SLC4A4: variants seen among roughly 807,000 people sequenced by gnomAD.
SLC4A4 encodes the protein solute carrier family 4 member 4.
Under a neutral mutation model 111.5 loss-of-function variants are expected in SLC4A4, and 27 were observed. The ratio of observed to expected loss-of-function variants is 0.24; its 90% CI spans 0.18 to 0.33. The LOEUF is 0.33. Ranked by LOEUF, SLC4A4 falls within the 10% of genes least tolerant of loss-of-function variation. SLC4A4 has a pLI of 1.00. For missense variants in SLC4A4, 909 were observed against 1,315.5 expected, an observed-to-expected ratio of 0.69 and a Z score of 4.78; for synonymous variants, 443 against 463.4, an observed-to-expected ratio of 0.96 and a Z score of 0.57.
chr4:71,371,350 T>A (rs1731858613), intron 6 of SLC4A4, among the ~76,000 whole-genome samples: 1 of 151,400 alleles, frequency 6.6e-6, no homozygotes, highest in African/African-American at 2.4e-5. Flanking sequence ...TTCAAGCAAT[T>A]CTCCTGCCTC....
intron 14 of SLC4A4, among the ~76,000 whole-genome samples, chr4:71,478,433 A>G (rs1728565079): frequency 6.6e-6 from 1 of 151,994 alleles, no homozygotes; most frequent in Non-Finnish European, 1.5e-5. Context: ...CAGCCATAAA[A>G]AATGATGAGT....
intron 3 of SLC4A4, chr4:71,300,958 G>T: frequency 1.9e-6 from 1 of 515,514 alleles, no homozygotes; most frequent in South Asian, 1.5e-5. Flanking sequence ...CCATAGATCA[G>T]GGCTGATCAT....
At chr4:71,516,781 C>T (rs901558539) in intron 16 of SLC4A4, among the ~76,000 whole-genome samples, 2 of 152,200 alleles carry the variant, frequency 1.3e-5, no homozygotes, top group South Asian at 2.1e-4. Context: ...CCTTCTTGGA[C>T]TCTTGTGGTC....
chr4:71,336,658 A>G (rs1442353726), intron 3 of SLC4A4, among the ~76,000 whole-genome samples: 1 of 152,096 alleles, frequency 6.6e-6, no homozygotes, highest in East Asian at 1.9e-4. Flanking sequence ...TGTGCTTTCC[A>G]TGTCAAGAAA....
intron 14 of SLC4A4, among the ~76,000 whole-genome samples, chr4:71,473,714 TA>T (rs1728095244): frequency 6.6e-6 from 1 of 151,716 alleles, no homozygotes; most frequent in Non-Finnish European, 1.5e-5. Flanking sequence ...AAAATAAAAA[TA>T]AAAAAATGTT....
chr4:71,530,781 C>T (rs1733846226), intron 16 of SLC4A4, among the ~76,000 whole-genome samples: 2 of 152,108 alleles, frequency 1.3e-5, no homozygotes, highest in Non-Finnish European at 2.9e-5. Flanking sequence ...ATTTTAGTTT[C>T]TGTTGACTAC....
At chr4:71,407,917 C>T (rs1721016405) in intron 7 of SLC4A4, among the ~76,000 whole-genome samples, 1 of 151,962 alleles carries the variant, frequency 6.6e-6, no homozygotes, top group Non-Finnish European at 1.5e-5. Context: ...TTTGCTAAAC[C>T]CCATGGTTCT....
intron 7 of SLC4A4, among the ~76,000 whole-genome samples, chr4:71,404,127 G>T (rs1417780712): frequency 6.6e-6 from 1 of 152,048 alleles, no homozygotes; most frequent in Non-Finnish European, 1.5e-5. Flanking sequence ...CACTAGAAGT[G>T]GGTGTAAGCC....
At chr4:71,118,107 C>T (rs1743321765) in intron 2 of SLC4A4, among the ~76,000 whole-genome samples, 1 of 152,100 alleles carries the variant, frequency 6.6e-6, no homozygotes, top group Non-Finnish European at 1.5e-5. Flanking sequence ...AACTCCCGAC[C>T]TCAGGTGATC....
intron 7 of SLC4A4, among the ~76,000 whole-genome samples, chr4:71,421,304 C>T (rs1041749247): frequency 6.6e-6 from 1 of 152,150 alleles, no homozygotes; most frequent in Non-Finnish European, 1.5e-5. Flanking sequence ...AATATATATG[C>T]ACCCAATACA....
chr4:71,514,657 G>A (rs1443818914), intron 16 of SLC4A4, among the ~76,000 whole-genome samples: 2 of 152,092 alleles, frequency 1.3e-5, no homozygotes, highest in East Asian at 3.9e-4. Flanking sequence ...TTTTATTACT[G>A]ATTCAAAATC....
chr4:71,285,107 A>G (rs1311177687), intron 3 of SLC4A4, among the ~76,000 whole-genome samples: 1 of 152,188 alleles, frequency 6.6e-6, no homozygotes, highest in Admixed American at 6.5e-5. Context: ...TCAGTGTGAC[A>G]TTCAGATGCC....
intron 18 of SLC4A4, among the ~76,000 whole-genome samples, chr4:71,537,174 A>G (rs1288968270): frequency 1.3e-5 from 2 of 151,556 alleles, no homozygotes; most frequent in African/African-American, 4.8e-5. Flanking sequence ...ACTGTGCTGA[A>G]CTCTATTCTT....
intron 2 of SLC4A4, among the ~76,000 whole-genome samples, chr4:71,102,867 G>T (rs1287899128): frequency 6.6e-6 from 1 of 151,412 alleles, no homozygotes; most frequent in Non-Finnish European, 1.5e-5. Flanking sequence ...ATCAACTAAC[G>T]AGCAAAATAA....
chr4:71,150,525 A>T (rs1237448435), intron 2 of SLC4A4, among the ~76,000 whole-genome samples: 1 of 152,182 alleles, frequency 6.6e-6, no homozygotes, highest in Non-Finnish European at 1.5e-5. Flanking sequence ...AGACTCAACT[A>T]AATGCGTTAC....
chr4:71,080,366 A>G (rs915854781), intron 1 of SLC4A4, among the ~76,000 whole-genome samples: 5 of 152,184 alleles, frequency 3.3e-5, no homozygotes, highest in African/African-American at 1.2e-4. Flanking sequence ...CCCTTAAGCC[A>G]GAGGCAGATC....
intron 2 of SLC4A4, among the ~76,000 whole-genome samples, chr4:71,171,049 G>T (rs1298360829): frequency 4.6e-5 from 7 of 152,130 alleles, no homozygotes; most frequent in Non-Finnish European, 8.8e-5. Context: ...AATACAGCTG[G>T]TTGAAGCCAT....
chr4:71,484,797 T>A (rs1729218581), intron 14 of SLC4A4, among the ~76,000 whole-genome samples: 1 of 151,844 alleles, frequency 6.6e-6, no homozygotes, highest in African/African-American at 2.4e-5. Context: ...GAGTGTAGAA[T>A]GTTTTTCTAT....
At chr4:71,079,910 G>A (rs1437737224) in intron 1 of SLC4A4, among the ~76,000 whole-genome samples, 2 of 151,386 alleles carry the variant, frequency 1.3e-5, no homozygotes, top group East Asian at 1.9e-4. Flanking sequence ...AAAGCAGTAC[G>A]AAGGTATGAA....
Sources: allele counts gnomAD v4.1 joint callset (sites outside exome capture counted in the v4.1 genomes callset), GRCh38; gene constraint gnomAD v4.1.1; transcripts MANE v1.5; gene names NCBI Gene and HGNC (gene_info 2026-07-23, HGNC 2026-07-21).